ZNF469: variants seen among roughly 807,000 people sequenced by gnomAD.
The protein encoded by ZNF469 is zinc finger protein 469.
Under a neutral mutation model 1.0 loss-of-function variants are expected in ZNF469, and 1 was observed. The observed-to-expected ratio is 1.00, with a 90% CI of 0.35 to 4.73. The LOEUF is 4.73. ZNF469 is among the 30% of genes most tolerant of loss of function. ZNF469 has a pLI of 0.16. For missense variants in ZNF469, 6,100 were observed against 5,356.3 expected (o/e 1.14, Z -4.33); for synonymous variants, 2,703 against 2,363.4 (o/e 1.14, Z -4.17).
chr16:88,136,616 C>A, the ZNF469 span, among the ~76,000 whole-genome samples: 3 of 152,214 alleles, frequency 2.0e-5, no homozygotes, highest in Non-Finnish European at 4.4e-5. Context: ...CGTGGGGGCC[C>A]GTTGACATTT....
At chr16:88,157,228 C>G in the ZNF469 span, among the ~76,000 whole-genome samples, 1 of 151,948 alleles carries the variant, frequency 6.6e-6, no homozygotes, top group East Asian at 2.0e-4. Flanking sequence ...CTCACAGGCT[C>G]TCTCAGGAAG....
At chr16:88,176,764 C>G in the ZNF469 span, among the ~76,000 whole-genome samples, 1 of 152,260 alleles carries the variant, frequency 6.6e-6, no homozygotes, top group Non-Finnish European at 1.5e-5. Context: ...GCCACAACCC[C>G]CAACGCCCAG....
At chr16:88,409,611 C>T (rs1235872168) in intron 1 of ZNF469, among the ~76,000 whole-genome samples, 1 of 152,188 alleles carries the variant, frequency 6.6e-6, no homozygotes, top group Non-Finnish European at 1.5e-5. Context: ...TCCTCATAGG[C>T]CGTGTGCACC....
At chr16:88,126,559 T>G in the ZNF469 span, among the ~76,000 whole-genome samples, 1 of 132,088 alleles carries the variant, frequency 7.6e-6, no homozygotes, top group Non-Finnish European at 1.6e-5. Flanking sequence ...ATTGTTTTTC[T>G]CCTTATTCTG....
At chr16:88,304,837 G>A in the ZNF469 span, among the ~76,000 whole-genome samples, 1 of 152,204 alleles carries the variant, frequency 6.6e-6, no homozygotes, top group East Asian at 1.9e-4. Context: ...GTTCACCAAA[G>A]CAAGGGACCC....
At chr16:88,380,788 AC>A (rs2092520528), upstream of ZNF469, among the ~76,000 whole-genome samples, 1 of 89,186 alleles carries the variant, frequency 1.1e-5, no homozygotes, top group Non-Finnish European at 1.8e-5. Flanking sequence ...GCACTCACAC[AC>A]ATGCACTCAC....
At chr16:88,288,739 C>A in the ZNF469 span, among the ~76,000 whole-genome samples, 5 of 152,210 alleles carry the variant, frequency 3.3e-5, no homozygotes, top group Non-Finnish European at 4.4e-5. Flanking sequence ...CAGCCCAAAT[C>A]TCCTGACTTC....
chr16:88,164,185 AGTGGGTGGATGGATGAATGGATGG>A, the ZNF469 span, among the ~76,000 whole-genome samples: 6 of 142,890 alleles, frequency 4.2e-5, no homozygotes, highest in African/African-American at 1.5e-4. Flanking sequence ...TGGATGGACG[AGTGGGTGGATGGATGAATGGATGG>A]GTGGGTGAGT....
chr16:88,242,089 C>T, the ZNF469 span, among the ~76,000 whole-genome samples: 6 of 152,306 alleles, frequency 3.9e-5, no homozygotes, highest in East Asian at 5.8e-4. Context: ...CAACCCTGGA[C>T]GTCGCAGACA....
chr16:88,427,551 G>T lies in ZNF469; in HGVS notation c.81G>T (p.Pro27=). Residue 27 remains proline, a synonymous_variant, in exon 3 of 3, where the codon CCG becomes CCT. Transcript: ENST00000565624. ...AGCCCCGCCAAGTTGCCAGCAGCCC[G>T]GGGCACCCCTCCCAGCCGCCACTGG... ...DLQPRQVASS[P]GHPSQPPLED... 2.0e-6 allele frequency: 3 copies of T among 1,536,810 alleles called. No homozygotes were observed. The highest frequency in any genetic ancestry group is 2.6e-6 in the Non-Finnish European group (3 of 1,146,260).
chr16:88,299,495 C>T, the ZNF469 span, among the ~76,000 whole-genome samples: 1 of 152,178 alleles, frequency 6.6e-6, no homozygotes, highest in Non-Finnish European at 1.5e-5. Context: ...AGGAGCCAGA[C>T]AGGAAGGAGC....
chr16:88,165,851 G>A, the ZNF469 span, among the ~76,000 whole-genome samples: 2 of 152,124 alleles, frequency 1.3e-5, no homozygotes, highest in Non-Finnish European at 1.5e-5. Flanking sequence ...GGAACCTCGC[G>A]TAAGTGGGAT....
At chr16:88,121,811 C>T in the ZNF469 span, among the ~76,000 whole-genome samples, 1 of 152,210 alleles carries the variant, frequency 6.6e-6, no homozygotes, top group Non-Finnish European at 1.5e-5. Flanking sequence ...CTGAAGTTTA[C>T]TGTTTATGAT....
chr16:88,156,226 CAGA>C, the ZNF469 span, among the ~76,000 whole-genome samples: 2 of 152,342 alleles, frequency 1.3e-5, no homozygotes, highest in South Asian at 4.1e-4. Context: ...ATCTTTTGCA[CAGA>C]AGTTTTCATC....
chr16:88,428,252 G>C lies in ZNF469; in HGVS notation c.782G>C (p.Gly261Ala). ...GCCGAGCCGGAACCTATTCCCAAAG[G>C]CAGCAGGCCCGGCGGCAGCCCCAGG... ...PPAEPEPIPK[G>A]SRPGGSPRGV... Residue 261 changes from glycine to alanine, a missense_variant, in exon 3 of 3, where the codon GGC becomes GCC. Transcript: ENST00000565624. 1.3e-6 allele frequency: 2 copies of C among 1,550,350 alleles called. No individual in the cohort carries two copies. The highest frequency in any genetic ancestry group is 8.7e-7 in the Non-Finnish European group (1 of 1,146,936).
rs281865147 is a variant in ZNF469 at position 88,430,364 on chromosome 16, A to AGGGGTC, written c.2904_2909dup (p.Ser969_Gly970dup). 7 of 1,512,640 alleles carry AGGGGTC rather than the reference A, an allele frequency of 4.6e-6. No individual in the cohort carries two copies. The highest frequency in any genetic ancestry group is 6.2e-6 in the Non-Finnish European group (7 of 1,134,874). 93.7% of individuals were successfully genotyped at this position (1,512,640 alleles called of 1,614,324 possible). A position where few individuals can be genotyped will look rare whatever the true frequency, so the allele number is the denominator to read the frequency against. On this transcript the variant is annotated inframe_insertion, in exon 3 of 3. Coordinates refer to ENST00000565624, the MANE Select transcript of ZNF469 (RefSeq NM_001367624.2). ...GATCTGGACTCGGGCGGCGCAGCAG[A>AGGGGTC]GGGGTCGGGGTCGGGCGGCGGCGGC...
At chr16:88,314,552 G>A in the ZNF469 span, among the ~76,000 whole-genome samples, 2 of 150,134 alleles carry the variant, frequency 1.3e-5, no homozygotes, top group East Asian at 4.0e-4. Flanking sequence ...TGATGCTGGT[G>A]TGGACTGTCA....
the ZNF469 span, among the ~76,000 whole-genome samples, chr16:88,301,830 A>C: frequency 6.6e-6 from 1 of 152,174 alleles, no homozygotes; most frequent in Non-Finnish European, 1.5e-5. Context: ...CCCTCCTCAG[A>C]TCTCCACTCG....
At position 88,433,028 on chromosome 16, in the gene ZNF469, A is replaced by G. The variant is rs563324563; in HGVS notation, c.5558A>G (p.Glu1853Gly). The G allele has an allele frequency of 4.3e-5, 66 of 1,550,272 alleles. 1 individual carries two copies. In the African/African-American group the frequency reaches 8.3e-4, roughly 20 times the overall value. Residue 1853 changes from glutamate (E) to glycine (G), a missense_variant, in exon 3 of 3, where the codon GAG becomes GGG. Transcript: ENST00000565624. ...LHPTAGRPGF[E>G]GNEFAPAGAS... is the part of the protein sequence containing the mutation. Reference sequence around the variant, plus strand: ...CCCACGGCAGGGAGGCCTGGCTTTGAGGGTAATGAGTTTGCACCGGCGGGG... The same window carrying G: ...CCCACGGCAGGGAGGCCTGGCTTTGGGGGTAATGAGTTTGCACCGGCGGGG...
Sources: allele counts gnomAD v4.1 joint callset (sites outside exome capture counted in the v4.1 genomes callset), GRCh38; gene constraint gnomAD v4.1.1; transcripts MANE v1.5; gene names NCBI Gene and HGNC (gene_info 2026-07-23, HGNC 2026-07-21).